FILIP1L: variants seen among roughly 807,000 people sequenced by gnomAD.
FILIP1L encodes filamin A interacting protein 1 like, also known as filamin A-interacting protein 1-like.
Under a neutral mutation model 96.6 loss-of-function variants are expected in FILIP1L, and 55 were observed. The observed-to-expected ratio is 0.57, with a 90% CI of 0.46 to 0.71. The LOEUF (loss-of-function observed/expected upper bound fraction) is 0.71, where lower values mean the gene tolerates loss of function less well. FILIP1L is among the 30% of genes least tolerant of loss of function. FILIP1L has a pLI of 0.00. For missense variants in FILIP1L, 1,304 were observed against 1,321.2 expected (o/e 0.99, Z 0.20); for synonymous variants, 467 against 473.9 (o/e 0.99, Z 0.19).
intron 4 of FILIP1L, among the ~76,000 whole-genome samples, chr3:99,893,303 C>CT (rs1706148382): frequency 6.6e-6 from 1 of 151,588 alleles, no homozygotes; most frequent in South Asian, 2.1e-4. Flanking sequence ...GTAGCTGGGA[C>CT]TACAGGCGCC....
rs548742243 is a variant in FILIP1L, at chr3:99,971,264, C to T, written c.-10-40234G>A. On this transcript the variant is annotated intron_variant, in intron 1 of 5. Coordinates refer to ENST00000477258, the MANE Select transcript of FILIP1L (RefSeq NM_001387850.1). ...CTGAGGCAGGAGAATGGCGTGAACC[C>T]GGGGCGCGGAGCTTGCAGTGAGCCA... Among the ~76,000 whole-genome samples the T allele has an allele frequency of 8.7e-5, 13 of 149,488 alleles. No homozygotes were observed. In the East Asian group the frequency reaches 9.9e-4, roughly 11 times the overall value.
intron 1 of FILIP1L, among the ~76,000 whole-genome samples, chr3:100,036,725 C>G (rs2065114217): frequency 6.6e-6 from 1 of 152,038 alleles, no homozygotes. Context: ...AAGAATTTTC[C>G]ACAAATTACT....
chr3:99,991,489 A>G (rs990715950), intron 1 of FILIP1L, among the ~76,000 whole-genome samples: 2 of 152,126 alleles, frequency 1.3e-5, no homozygotes, highest in African/African-American at 4.8e-5. Flanking sequence ...GTACAAATGC[A>G]CATTTCTTAC....
intron 1 of FILIP1L, among the ~76,000 whole-genome samples, chr3:100,081,455 G>T (rs2065930556): frequency 6.6e-6 from 1 of 152,124 alleles, no homozygotes; most frequent in African/African-American, 2.4e-5. Flanking sequence ...TCTCTTAGAG[G>T]AATCTGATTA....
At chr3:99,859,816 C>T (rs1559663428) in intron 4 of FILIP1L, among the ~76,000 whole-genome samples, 1 of 152,120 alleles carries the variant, frequency 6.6e-6, no homozygotes, top group African/African-American at 2.4e-5. Context: ...GCTTTCCTCC[C>T]TGCTTTTTCT....
chr3:99,853,583 G>C (rs1459281496), intron 4 of FILIP1L, among the ~76,000 whole-genome samples: 1 of 152,180 alleles, frequency 6.6e-6, no homozygotes, highest in African/African-American at 2.4e-5. Flanking sequence ...TTTTGGAGTA[G>C]GCATGATGCA....
intron 1 of FILIP1L, among the ~76,000 whole-genome samples, chr3:99,963,951 A>G (rs1430699774): frequency 6.6e-6 from 1 of 152,178 alleles, no homozygotes; most frequent in East Asian, 1.9e-4. Context: ...AAAATGTGTC[A>G]TAACGAAAAT....
chr3:99,841,846 G>A (rs1377464561), intron 5 of FILIP1L, among the ~76,000 whole-genome samples: 1 of 152,178 alleles, frequency 6.6e-6, no homozygotes, highest in Non-Finnish European at 1.5e-5. Flanking sequence ...AGATGTTGGT[G>A]TGGATGTGGT....
intron 1 of FILIP1L, chr3:100,010,161 T>G (rs576974368): frequency 2.1e-6 from 2 of 971,920 alleles, no homozygotes; most frequent in South Asian, 9.5e-5. Context: ...CACATTTCAT[T>G]TGATGGAATT....
chr3:100,007,094 C>A (rs73859916), intron 1 of FILIP1L, among the ~76,000 whole-genome samples: 2 of 152,136 alleles, frequency 1.3e-5, no homozygotes, highest in Admixed American at 6.6e-5. Context: ...TTTTCTGACT[C>A]GCTTTTTCTT....
At chr3:99,925,894 G>A in intron 3 of FILIP1L, 1 of 985,354 alleles carries the variant, frequency 1.0e-6, no homozygotes, top group Non-Finnish European at 1.2e-6. Flanking sequence ...GCTCCATTTT[G>A]CCCAGCACGG....
At chr3:100,084,513 G>A (rs1218303952) in intron 1 of FILIP1L, among the ~76,000 whole-genome samples, 3 of 152,108 alleles carry the variant, frequency 2.0e-5, no homozygotes, top group Non-Finnish European at 4.4e-5. Flanking sequence ...TTGTTTAAAA[G>A]GAACAGCCAC....
chr3:99,909,475 C>T (rs1171852682), intron 4 of FILIP1L, among the ~76,000 whole-genome samples: 1 of 152,076 alleles, frequency 6.6e-6, no homozygotes, highest in Non-Finnish European at 1.5e-5. Flanking sequence ...ACAATAGTTA[C>T]TTGTTAACAA....
chr3:100,051,899 TTTA>T (rs1471712108), intron 1 of FILIP1L, among the ~76,000 whole-genome samples: 1 of 148,636 alleles, frequency 6.7e-6, no homozygotes, highest in African/African-American at 2.4e-5. Context: ...ATGTCATATA[TTTA>T]TTAATATGTG....
At chr3:100,113,680 C>A (rs1361429364) in intron 1 of FILIP1L, among the ~76,000 whole-genome samples, 1 of 152,158 alleles carries the variant, frequency 6.6e-6, no homozygotes, top group Non-Finnish European at 1.5e-5. Flanking sequence ...ATTGATCATT[C>A]ACATCAGCTT....
At position 99,830,611 on chromosome 3, in the gene FILIP1L, A is replaced by G. The variant is rs569095045; in HGVS notation, c.3382-6T>C. The G allele has an allele frequency of 4.0e-4, 182 of 456,544 alleles. No homozygotes were observed. Among genetic ancestry groups the G allele is most frequent in the African/African-American group, 3.1e-3 (158 of 50,194 alleles). 28.3% of individuals were successfully genotyped at this position (456,544 alleles called of 1,614,324 possible). A position where few individuals can be genotyped will look rare whatever the true frequency, so the allele number is the denominator to read the frequency against. Reference sequence around the variant, plus strand: ...TGCTTGCATACCTCCTTGATCTTGAATTAAACAAGAGAACAAAAGGTAATT... The same window carrying G: ...TGCTTGCATACCTCCTTGATCTTGAGTTAAACAAGAGAACAAAAGGTAATT... On this transcript the variant is annotated splice_region_variant and splice_polypyrimidine_tract_variant and intron_variant, in intron 5 of 5. Transcript: ENST00000477258.
chr3:100,030,707 C>T (rs2065009217), intron 1 of FILIP1L, among the ~76,000 whole-genome samples: 1 of 152,112 alleles, frequency 6.6e-6, no homozygotes, highest in African/African-American at 2.4e-5. Context: ...GCTGCTTTTC[C>T]TCTACCATAT....
At chr3:100,069,893 C>T (rs534132575) in intron 1 of FILIP1L, among the ~76,000 whole-genome samples, 42 of 152,210 alleles carry the variant, frequency 2.8e-4, no homozygotes, top group African/African-American at 9.1e-4. Context: ...CTATCCAGTT[C>T]ATTTTGTTGG....
At position 100,062,109 on chromosome 3, in the gene FILIP1L, T is replaced by C. The variant is rs1442390288; in HGVS notation, c.-11+51944A>G. Among the ~76,000 whole-genome samples, 571 of 70,588 alleles carry C rather than the reference T, an allele frequency of 8.1e-3. 7 individuals are homozygous for C. The highest frequency in any genetic ancestry group is 0.017 in the South Asian group (26 of 1,542). 46.3% of individuals were successfully genotyped at this position (70,588 alleles called of 152,430 possible). A position where few individuals can be genotyped will look rare whatever the true frequency, so the allele number is the denominator to read the frequency against. On this transcript the variant is annotated intron_variant, in intron 1 of 5. Coordinates refer to ENST00000477258, the MANE Select transcript of FILIP1L (RefSeq NM_001387850.1). ...TGTCTTCTTCTTTTTTTTTTTTTTTTTTTTTTTTTTTTTTTTTTTTGAGAC... is the reference window on the plus strand; with the variant it reads ...TGTCTTCTTCTTTTTTTTTTTTTTTCTTTTTTTTTTTTTTTTTTTTGAGAC...
Sources: gnomAD v4.1 joint callset for allele counts (sites outside exome capture counted in the v4.1 genomes callset) on GRCh38, gnomAD v4.1.1 for gene constraint, MANE v1.5 for transcripts, NCBI Gene and HGNC (gene_info 2026-07-23, HGNC 2026-07-21) for gene names.